FAM200B: variants seen among roughly 807,000 people sequenced by gnomAD.
FAM200B encodes zinc finger BED-type containing 11.
A neutral mutation model predicts 33.1 loss-of-function variants in FAM200B; 32 were observed. The observed-to-expected ratio is 0.97, with a 90% CI of 0.73 to 1.30. The LOEUF (loss-of-function observed/expected upper bound fraction) is 1.30, where lower values mean the gene tolerates loss of function less well. FAM200B is among the 50% of genes most tolerant of loss of function. The pLI, the probability that FAM200B is intolerant of heterozygous loss-of-function variation, is 0.00. For synonymous variants in FAM200B, 240 were observed against 264.8 expected (o/e 0.91, Z 0.91); for missense variants, 741 against 754.0 (o/e 0.98, Z 0.20).
rs1257891567 is a variant in FAM200B at position 15,688,727 on chromosome 4, T to C, written c.1750T>C (p.Trp584Arg). The change falls in exon 2 of 2, where the codon TGG (tryptophan) becomes CGG (arginine). Residue 584 changes from tryptophan to arginine, a missense_variant. Physicochemically the swap from Trp to Arg is moderately radical, Grantham distance 101. Coordinates refer to ENST00000422728, the MANE Select transcript of FAM200B (RefSeq NM_001145191.2). ...DYETLSLSAF[W>R]MKVKEDFPLL... ...TGAAACCTTAAGTTTATCAGCATTT[T>C]GGATGAAGGTAAAGGAAGACTTTCC... The C allele has an allele frequency of 3.9e-6, 6 of 1,550,526 alleles. No individual in the cohort carries two copies. The highest frequency in any genetic ancestry group is 5.2e-6 in the Non-Finnish European group (6 of 1,146,214).
chr4:15,687,800 G>T lies in FAM200B; in HGVS notation c.823G>T (p.Glu275Ter), dbSNP rs770947351. ...CCTAAGTGGATTAGATATTTTTACA[G>T]AATTAGAAAGGCGCATAGTTGGCCA... ...SHLSGLDIFTELERRIVGQYK... is the reference protein window; with the variant it reads ...SHLSGLDIFT The change falls in exon 2 of 2, where the codon GAA becomes TAA. Residue 275 changes from glutamate (E) to a stop codon, truncating the protein, a stop_gained. Coordinates refer to ENST00000422728, the MANE Select transcript of FAM200B (RefSeq NM_001145191.2). LOFTEE classifies it high-confidence loss of function. 6.4e-7 allele frequency: 1 copy of T among 1,550,834 alleles called. No individual in the cohort carries two copies. Among genetic ancestry groups the T allele is most frequent in the South Asian group, 1.2e-5 (1 of 83,968 alleles).
At position 15,688,032 on chromosome 4, in the gene FAM200B, T is replaced by C. The variant is rs1351467517; in HGVS notation, c.1055T>C (p.Val352Ala). 6.4e-7 allele frequency: 1 copy of C among 1,551,136 alleles called. No homozygotes were observed. The highest frequency in any genetic ancestry group is 1.2e-5 in the South Asian group (1 of 84,000). Reference protein sequence around the residue: ...LMEVLKNAVKVVNFIKGSSLN... With the variant: ...LMEVLKNAVKAVNFIKGSSLN... ...GAGGTATTGAAAAATGCAGTGAAAGTTGTTAATTTTATTAAAGGAAGCTCA... is the reference window on the plus strand; with the variant it reads ...GAGGTATTGAAAAATGCAGTGAAAGCTGTTAATTTTATTAAAGGAAGCTCA... Residue 352 changes from valine (V) to alanine (A), a missense_variant, in exon 2 of 2, where the codon GTT becomes GCT. Transcript: ENST00000422728.
At chr4:15,646,008 T>C in the FAM200B span, among the ~76,000 whole-genome samples, 2 of 152,090 alleles carry the variant, frequency 1.3e-5, no homozygotes, top group African/African-American at 4.8e-5. Flanking sequence ...AATAAGACAA[T>C]GAACAGTTAA....
At chr4:15,640,393 G>GAAA in the FAM200B span, among the ~76,000 whole-genome samples, 359 of 91,508 alleles carry the variant, frequency 3.9e-3, 15 homozygotes, top group East Asian at 8.1e-3. Context: ...CTACACTACT[G>GAAA]AAAAAAAAAA....
chr4:15,655,251 C>G, the FAM200B span: 1 of 1,441,868 alleles, frequency 6.9e-7, no homozygotes, highest in Non-Finnish European at 9.3e-7. Flanking sequence ...CAGTGTGGGG[C>G]GGTGAAGACG....
chr4:15,660,593 C>G, the FAM200B span, among the ~76,000 whole-genome samples: 2 of 152,218 alleles, frequency 1.3e-5, no homozygotes, highest in African/African-American at 4.8e-5. Flanking sequence ...CCCACAAGAT[C>G]TAGGGCAAAT....
Position 15,689,171 on chromosome 4 carries a change from A to C in FAM200B, c.*220A>C. ...AGACATTTGGGATACAAAAGTGAACAAAACAGGTAATTCCCTAGTAGAGTT... is the reference window on the plus strand; with the variant it reads ...AGACATTTGGGATACAAAAGTGAACCAAACAGGTAATTCCCTAGTAGAGTT... On this transcript the variant is annotated 3_prime_UTR_variant, in exon 2 of 2. Coordinates refer to ENST00000422728, the MANE Select transcript of FAM200B (RefSeq NM_001145191.2). 1 of 383,428 alleles carries C rather than the reference A, an allele frequency of 2.6e-6. No homozygotes were observed. Among genetic ancestry groups the C allele is most frequent in the East Asian group, 4.2e-5 (1 of 23,822 alleles). 23.8% of individuals were successfully genotyped at this position (383,428 alleles called of 1,614,324 possible).
chr4:15,638,879 T>C, the FAM200B span, among the ~76,000 whole-genome samples: 1 of 152,140 alleles, frequency 6.6e-6, no homozygotes, highest in Non-Finnish European at 1.5e-5. Flanking sequence ...ACCAAGAAGA[T>C]CCTGGCCAGG....
the FAM200B span, among the ~76,000 whole-genome samples, chr4:15,674,736 G>A: frequency 1.3e-5 from 2 of 150,834 alleles, no homozygotes; most frequent in Non-Finnish European, 2.9e-5. Context: ...TGCAAGCTCC[G>A]CCTCCCACGT....
rs1303864112 is a variant in FAM200B, at chr4:15,687,148, A to C, written c.171A>C (p.Lys57Asn). The stretch of plus-strand genomic sequence containing the variant: ...TTGAGCCACATTTCAAAAAGAAAAA[A>C]GTAAGTGCAAGACGTTATAATGAAG... ...TSFEPHFKKK[K>N]VSARRYNEDY... The change falls in exon 2 of 2, where the codon AAA becomes AAC. Residue 57 changes from lysine to asparagine, a missense_variant. Lys to Asn is a moderately conservative substitution (Grantham distance 94, BLOSUM62 0). Transcript: ENST00000422728. The C allele has an allele frequency of 6.5e-7, 1 of 1,547,714 alleles. No homozygotes were observed. The highest frequency in any genetic ancestry group is 2.0e-5 in the Admixed American group (1 of 50,322).
chr4:15,653,454 ATTCT>A, the FAM200B span, among the ~76,000 whole-genome samples: 2 of 152,150 alleles, frequency 1.3e-5, no homozygotes, highest in African/African-American at 2.4e-5. Context: ...TTAAATTGTG[ATTCT>A]TTATTTTGGG....
At chr4:15,640,977 G>A in the FAM200B span, 39 of 585,356 alleles carry the variant, frequency 6.7e-5, no homozygotes, top group East Asian at 3.2e-4. Flanking sequence ...TAAAACCTCC[G>A]GGGAAAAAAA....
the FAM200B span, among the ~76,000 whole-genome samples, chr4:15,646,040 T>C: frequency 1.3e-5 from 2 of 152,188 alleles, no homozygotes; most frequent in Admixed American, 1.3e-4. Context: ...AAGTAAATAA[T>C]CTAGAGCAAG....
Position 15,688,706 on chromosome 4 carries a change from A to G in FAM200B, c.1729A>G (p.Thr577Ala), listed in dbSNP as rs1309363770. The change falls in exon 2 of 2, where the codon ACC becomes GCC. Residue 577 changes from threonine (T) to alanine (A), a missense_variant. By Grantham distance (58) the Thr-to-Ala change is moderately conservative. Coordinates refer to ENST00000422728, the MANE Select transcript of FAM200B (RefSeq NM_001145191.2). ...ATATACATTGAAGAATGATTATGAA[A>G]CCTTAAGTTTATCAGCATTTTGGAT... The part of the protein sequence containing the change: ...SSYTLKNDYE[T>A]LSLSAFWMKV... The G allele has an allele frequency of 1.9e-6, 3 of 1,550,920 alleles. No individual in the cohort carries two copies. Among genetic ancestry groups the G allele is most frequent in the African/African-American group, 2.7e-5 (2 of 73,028 alleles).
chr4:15,687,833 T>C lies in FAM200B; in HGVS notation c.856T>C (p.Leu286=). 1 of 1,551,232 alleles carries C rather than the reference T, an allele frequency of 6.4e-7. No individual in the cohort carries two copies. The highest frequency in any genetic ancestry group is 8.7e-7 in the Non-Finnish European group (1 of 1,146,744). ...AAGGCGCATAGTTGGCCAATATAAATTAAACTGGAAAAACTGTAAAGGAAT... is the reference window on the plus strand; with the variant it reads ...AAGGCGCATAGTTGGCCAATATAAACTAAACTGGAAAAACTGTAAAGGAAT... ...LERRIVGQYK[L]NWKNCKGITS... is the part of the protein sequence containing the mutation. The change falls in exon 2 of 2, where the codon TTA becomes CTA. Residue 286 remains leucine (L), a synonymous_variant. Coordinates refer to ENST00000422728, the MANE Select transcript of FAM200B (RefSeq NM_001145191.2).
the FAM200B span, among the ~76,000 whole-genome samples, chr4:15,649,578 CAAAAAAA>C: frequency 3.7e-5 from 3 of 81,354 alleles, no homozygotes; most frequent in Non-Finnish European, 7.3e-5. Flanking sequence ...GACTACGTCT[CAAAAAAA>C]AAAAAAAAAA....
chr4:15,637,905 A>ATT, the FAM200B span, among the ~76,000 whole-genome samples: 537 of 145,336 alleles, frequency 3.7e-3, 1 homozygote, highest in Non-Finnish European at 4.5e-3. Flanking sequence ...GTTTTTTTAA[A>ATT]AAAAAAAAAA....
At chr4:15,646,025 T>C in the FAM200B span, among the ~76,000 whole-genome samples, 32 of 152,308 alleles carry the variant, frequency 2.1e-4, no homozygotes, top group African/African-American at 7.0e-4. Context: ...TTAACTGCAA[T>C]ACATAAGTAA....
the FAM200B span, among the ~76,000 whole-genome samples, chr4:15,666,659 T>C: frequency 6.6e-6 from 1 of 151,792 alleles, no homozygotes; most frequent in East Asian, 1.9e-4. Flanking sequence ...AGTGAGACCT[T>C]GTCTCTACTA....
Sources: allele counts gnomAD v4.1 joint callset (sites outside exome capture counted in the v4.1 genomes callset), GRCh38; gene constraint gnomAD v4.1.1; transcripts MANE v1.5; gene names NCBI Gene and HGNC (gene_info 2026-07-23, HGNC 2026-07-21).